HDAC9: variants seen among roughly 807,000 people sequenced by gnomAD.
The protein encoded by HDAC9 is MEF-2 interacting transcription repressor (MITR) protein.
A neutral mutation model predicts 139.4 loss-of-function variants in HDAC9; 41 were observed. The observed-to-expected ratio is 0.29, with a 90% CI of 0.23 to 0.38. HDAC9 has a LOEUF of 0.38. Among genes scored for constraint, HDAC9 ranks in the 10% least tolerant of loss-of-function variants. The pLI is 1.00. For missense variants in HDAC9, 1,147 were observed against 1,297.0 expected (o/e 0.88, Z 1.78); for synonymous variants, 517 against 476.2 (o/e 1.09, Z -1.12).
chr7:18,627,807 G>A (rs1332767311), intron 6 of HDAC9, among the ~76,000 whole-genome samples: 1 of 151,854 alleles, frequency 6.6e-6, no homozygotes, highest in East Asian at 1.9e-4. Context: ...TCGGGCTTTT[G>A]GTTTTTTTAT....
At chr7:18,934,950 T>C (rs1192222741) in intron 22 of HDAC9, among the ~76,000 whole-genome samples, 1 of 152,080 alleles carries the variant, frequency 6.6e-6, no homozygotes, top group Non-Finnish European at 1.5e-5. Flanking sequence ...TGTTGACATA[T>C]AATGGCCTAC....
intron 8 of HDAC9, among the ~76,000 whole-genome samples, chr7:18,639,603 C>T (rs1388322027): frequency 2.0e-5 from 3 of 151,950 alleles, no homozygotes; most frequent in Non-Finnish European, 4.4e-5. Context: ...TTTTAATTTT[C>T]TATGAGCTAT....
chr7:18,625,830 G>C (rs1841540209), intron 6 of HDAC9, among the ~76,000 whole-genome samples: 1 of 151,124 alleles, frequency 6.6e-6, no homozygotes, highest in Admixed American at 6.6e-5. Flanking sequence ...TGTAGTCTCA[G>C]CTACCTGGGA....
rs1786886844 is a variant in HDAC9 at position 18,644,897 on chromosome 7, A to G, written c.1035+104A>G. 5 of 1,154,212 alleles carry G rather than the reference A, an allele frequency of 4.3e-6. No homozygotes were observed. The Admixed American group carries it at 8.9e-5, about 20-fold the overall frequency. 71.5% of individuals were successfully genotyped at this position (1,154,212 alleles called of 1,614,324 possible). A position where few individuals can be genotyped will look rare whatever the true frequency, so the allele number is the denominator to read the frequency against. ...TATTTAGACTTTAGAAAAACTTGACAGAGCCAGCATCTCCTTCACTGTTTG... is the reference window on the plus strand; with the variant it reads ...TATTTAGACTTTAGAAAAACTTGACGGAGCCAGCATCTCCTTCACTGTTTG... On this transcript the variant is annotated intron_variant, in intron 9 of 25. Transcript: ENST00000686413.
intron 13 of HDAC9, among the ~76,000 whole-genome samples, chr7:18,748,139 C>A (rs547999775): frequency 7.2e-5 from 11 of 152,160 alleles, no homozygotes; most frequent in Non-Finnish European, 1.2e-4. Context: ...TAGAAATCTT[C>A]TTTAAATGAG....
intron 2 of HDAC9, among the ~76,000 whole-genome samples, chr7:18,553,781 A>G (rs1247524504): frequency 1.3e-5 from 2 of 152,218 alleles, no homozygotes; most frequent in African/African-American, 4.8e-5. Flanking sequence ...ACCTACGAGC[A>G]TCCTACAGCC....
chr7:18,422,303 C>T (rs568463413), intron 1 of HDAC9, among the ~76,000 whole-genome samples: 147 of 152,196 alleles, frequency 9.7e-4, no homozygotes, highest in Middle Eastern at 6.8e-3. Flanking sequence ...AAAGGAAACA[C>T]GGTCTAGTTA....
upstream of HDAC9, among the ~76,000 whole-genome samples, chr7:18,287,700 A>G (rs1333431554): frequency 1.3e-5 from 2 of 152,194 alleles, no homozygotes; most frequent in Non-Finnish European, 2.9e-5. Context: ...TCACATCTTG[A>G]TGTGCCTACC....
chr7:18,584,189 G>A (rs973962068), intron 2 of HDAC9, among the ~76,000 whole-genome samples: 5 of 131,392 alleles, frequency 3.8e-5, no homozygotes, highest in Admixed American at 9.3e-5. Context: ...CACCCAGGCT[G>A]GAGTGCAGTA....
chr7:18,495,567 G>C (rs992930292), upstream of HDAC9: 6 of 169,912 alleles, frequency 3.5e-5, no homozygotes, highest in Non-Finnish European at 7.1e-5. Context: ...AGCTGGGTTT[G>C]CTGGGGTATT....
intron 24 of HDAC9, among the ~76,000 whole-genome samples, chr7:18,962,349 G>C (rs1225275673): frequency 2.0e-5 from 3 of 152,128 alleles, no homozygotes; most frequent in Non-Finnish European, 2.9e-5. Context: ...AGCCAGGTCA[G>C]ACTTGTACAC....
At chr7:18,171,072 C>T (rs1345751120) in intron 2 of HDAC9, among the ~76,000 whole-genome samples, 1 of 152,206 alleles carries the variant, frequency 6.6e-6, no homozygotes, top group Non-Finnish European at 1.5e-5. Flanking sequence ...TTCTTCCTAT[C>T]CATGAGCATG....
intron 11 of HDAC9, among the ~76,000 whole-genome samples, chr7:18,656,921 C>G (rs745755059): frequency 6.6e-6 from 1 of 152,012 alleles, no homozygotes; most frequent in Non-Finnish European, 1.5e-5. Context: ...CGACGGTTCC[C>G]CTTTCTCCAC....
intron 2 of HDAC9, among the ~76,000 whole-genome samples, chr7:18,554,613 G>A (rs982899122): frequency 2.0e-5 from 3 of 152,148 alleles, no homozygotes; most frequent in African/African-American, 7.2e-5. Context: ...GGGATTACAG[G>A]CGTGAGCCAC....
intron 24 of HDAC9, among the ~76,000 whole-genome samples, chr7:18,956,416 A>G (rs922279642): frequency 2.0e-5 from 3 of 152,128 alleles, no homozygotes; most frequent in Non-Finnish European, 4.4e-5. Flanking sequence ...GAGGACAGGA[A>G]TCATATCTTT....
chr7:18,697,582 A>G (rs910150754), intron 12 of HDAC9, among the ~76,000 whole-genome samples: 6 of 152,094 alleles, frequency 3.9e-5, no homozygotes, highest in African/African-American at 1.4e-4. Flanking sequence ...TCCCTTTTCA[A>G]CTGTAATACC....
At position 18,182,333 on chromosome 7, in the gene HDAC9, A is replaced by G. The variant is rs548729744; in HGVS notation, c.25+19984A>G. Among the ~76,000 whole-genome samples the G allele has an allele frequency of 5.3e-5, 8 of 152,342 alleles. No individual in the cohort carries two copies. The South Asian group carries it at 8.3e-4, about 16-fold the overall frequency. On this transcript the variant is annotated intron_variant, in intron 2 of 12. Coordinates refer to the HDAC9 transcript ENST00000417496. ...GGGCTTCCATTTGTACTCTTGCTCTATGTCGTACAAGTATTAGGAGCAGGC... is the reference window on the plus strand; with the variant it reads ...GGGCTTCCATTTGTACTCTTGCTCTGTGTCGTACAAGTATTAGGAGCAGGC...
intron 22 of HDAC9, among the ~76,000 whole-genome samples, chr7:18,883,414 G>C (rs1799879498): frequency 6.6e-6 from 1 of 152,026 alleles, no homozygotes. Context: ...TGTTATACCT[G>C]ATTAACAGTA....
intron 1 of HDAC9, among the ~76,000 whole-genome samples, chr7:18,142,795 G>A (rs558344973): frequency 1.3e-5 from 2 of 152,228 alleles, no homozygotes; most frequent in African/African-American, 4.8e-5. Context: ...AGGACGTGGC[G>A]GGTCAAGACT....
Sources: gnomAD v4.1 joint callset for allele counts (sites outside exome capture counted in the v4.1 genomes callset) on GRCh38, gnomAD v4.1.1 for gene constraint, MANE v1.5 for transcripts, NCBI Gene and HGNC (gene_info 2026-07-23, HGNC 2026-07-21) for gene names.